PCDHGA1: variants seen among roughly 807,000 people sequenced by gnomAD.
PCDHGA1 encodes the protein protocadherin gamma-A1.
A neutral mutation model predicts 58.0 loss-of-function variants in PCDHGA1; 32 were observed. The observed-to-expected ratio is 0.55, with a 90% confidence interval of 0.42 to 0.74. PCDHGA1 has a LOEUF of 0.74. Among genes scored for constraint, PCDHGA1 ranks in the 30% least tolerant of loss-of-function variants. PCDHGA1 has a pLI of 0.00. For missense variants in PCDHGA1, 1,205 were observed against 1,182.3 expected, an observed-to-expected ratio of 1.02 and a Z score of -0.28; for synonymous variants, 498 against 501.1, an observed-to-expected ratio of 0.99 and a Z score of 0.08.
At position 141,491,832 on chromosome 5, in the gene PCDHGA1, C is replaced by T. The variant is rs755882255; in HGVS notation, c.2422-2975C>T. On this transcript the variant is annotated intron_variant, in intron 1 of 3. Coordinates refer to ENST00000517417, the MANE Select transcript of PCDHGA1 (RefSeq NM_018912.3). The surrounding 1 kb of genome is among the most constrained non-coding windows in gnomAD (Gnocchi z 6.9). ...GTCGCTGGCTGCGCTCCACCCGATT[C>T]TCGGGATCATTGGACCGTTTGCGCG... 1.6e-5 allele frequency: 24 copies of T among 1,474,306 alleles called. No individual in the cohort carries two copies. The highest frequency in any genetic ancestry group is 2.0e-5 in the Non-Finnish European group (22 of 1,112,688). 91.3% of individuals were successfully genotyped at this position (1,474,306 alleles called of 1,614,324 possible). A position where few individuals can be genotyped will look rare whatever the true frequency, so the allele number is the denominator to read the frequency against.
At chr5:141,435,214 A>T (rs1314928643) in intron 1 of PCDHGA1, among the ~76,000 whole-genome samples, 1 of 152,176 alleles carries the variant, frequency 6.6e-6, no homozygotes, top group Non-Finnish European at 1.5e-5. Context: ...AAGTGAATTT[A>T]CTTTCTTTCA....
In PCDHGA1 at chr5:141,405,166, A is replaced by G. The variant is rs1303146593; in HGVS notation, c.2421+72061A>G. The G allele has an allele frequency of 9.3e-6, 15 of 1,613,862 alleles. No individual in the cohort carries two copies. In the East Asian group the frequency reaches 3.3e-4, roughly 36 times the overall value. On this transcript the variant is annotated intron_variant, in intron 1 of 3. Coordinates refer to ENST00000517417, the MANE Select transcript of PCDHGA1 (RefSeq NM_018912.3). Reference sequence around the variant, plus strand: ...ATGGGTTGGCTGGTGTGCCCACCTCACACTTTGTGGGTGTAGATGGGGTTC... The same window carrying G: ...ATGGGTTGGCTGGTGTGCCCACCTCGCACTTTGTGGGTGTAGATGGGGTTC...
rs1284287216 is a variant in PCDHGA1 at position 141,398,423 on chromosome 5, A to C, written c.2421+65318A>C. On this transcript the variant is annotated intron_variant, in intron 1 of 3. Transcript: ENST00000517417. ...GACAGGGAGGAGATATGCGGGAAGA[A>C]GCCAGCTTGTGCTCTGGAATTTGAG... 2.0e-6 allele frequency: 3 copies of C among 1,514,696 alleles called. No individual in the cohort carries two copies. In the South Asian group the frequency reaches 3.4e-5, roughly 17 times the overall value. The allele number at this position is 1,514,696 out of a possible 1,614,324, so 93.8% of individuals were successfully genotyped here.
intron 1 of PCDHGA1, chr5:141,400,663 A>T: frequency 4.0e-6 from 4 of 995,312 alleles, no homozygotes; most frequent in Non-Finnish European, 6.0e-6. Flanking sequence ...ACCATTCTTT[A>T]AGAGGAGCAG....
chr5:141,476,952 T>A lies in PCDHGA1; in HGVS notation c.2422-17855T>A, dbSNP rs1463851594. On this transcript the variant is annotated intron_variant, in intron 1 of 3. Transcript: ENST00000517417. This position sits in a 1 kb window ranked among gnomAD's most constrained non-coding sequence, Gnocchi z 7.6. ...CTGGATGAAGGCCCCAACGGTGAAA[T>A]TATTTACTCCTTCGGCAGCCACAAC... 1 of 1,614,052 alleles carries A rather than the reference T, an allele frequency of 6.2e-7. No individual in the cohort carries two copies. Among genetic ancestry groups the A allele is most frequent in the Non-Finnish European group, 8.5e-7 (1 of 1,180,038 alleles).
chr5:141,426,317 C>A, intron 1 of PCDHGA1: 1 of 173,952 alleles, frequency 5.7e-6, no homozygotes, highest in African/African-American at 2.4e-5. Flanking sequence ...AGAAGCAGGA[C>A]CCGGCAGTGG....
chr5:141,364,254 G>A, intron 1 of PCDHGA1: 1 of 1,492,278 alleles, frequency 6.7e-7, no homozygotes, highest in Non-Finnish European at 8.9e-7. Flanking sequence ...CAGGGAATAT[G>A]TACCCATCGG....
chr5:141,480,827 A>G (rs1455065731), intron 1 of PCDHGA1, among the ~76,000 whole-genome samples: 2 of 152,212 alleles, frequency 1.3e-5, no homozygotes, highest in Admixed American at 6.5e-5. Context: ...TGGGTGGATC[A>G]TAAGATCAGG....
intron 1 of PCDHGA1, among the ~76,000 whole-genome samples, chr5:141,363,627 C>T (rs1763008344): frequency 6.6e-6 from 1 of 152,226 alleles, no homozygotes; most frequent in Non-Finnish European, 1.5e-5. Flanking sequence ...GAGACTTTCT[C>T]AAAGTCCTCA....
chr5:141,345,854 C>T (rs529957472), intron 1 of PCDHGA1: 18 of 1,613,390 alleles, frequency 1.1e-5, no homozygotes, highest in Middle Eastern at 1.7e-4. Context: ...TGTCCTACCG[C>T]CTGCTCAAGG....
At chr5:141,417,787 T>C in intron 1 of PCDHGA1, 1 of 1,477,124 alleles carries the variant, frequency 6.8e-7, no homozygotes, top group Non-Finnish European at 9.0e-7. Flanking sequence ...CTGGGCCGAA[T>C]GCTCTTTTAG....
intron 1 of PCDHGA1, chr5:141,342,323 C>T (rs1229501493): frequency 6.6e-6 from 1 of 152,162 alleles, no homozygotes; most frequent in Non-Finnish European, 1.5e-5. Flanking sequence ...AATCCCAGTG[C>T]CCCTCTGATC....
At chr5:141,347,167 CTT>C (rs1278659701) in intron 1 of PCDHGA1, among the ~76,000 whole-genome samples, 3 of 143,014 alleles carry the variant, frequency 2.1e-5, no homozygotes, top group African/African-American at 7.8e-5. Context: ...TTCTTTCTTT[CTT>C]TCTTTCTTTC....
chr5:141,413,286 C>G, intron 1 of PCDHGA1: 1 of 1,613,968 alleles, frequency 6.2e-7, no homozygotes, highest in Non-Finnish European at 8.5e-7. Flanking sequence ...AGATCTCCTA[C>G]TCAATTCCTG....
At chr5:141,352,235 A>T in intron 1 of PCDHGA1, 1 of 1,614,032 alleles carries the variant, frequency 6.2e-7, no homozygotes, top group Non-Finnish European at 8.5e-7. Flanking sequence ...GCTGCACCTA[A>T]TCTTCGCGGA....
intron 1 of PCDHGA1, among the ~76,000 whole-genome samples, chr5:141,381,944 C>G (rs1777787484): frequency 6.7e-6 from 1 of 149,738 alleles, no homozygotes; most frequent in African/African-American, 2.5e-5. Context: ...ATTTTCCTGC[C>G]TCAGCCTCCT....
At chr5:141,443,131 A>C (rs1042010214) in intron 1 of PCDHGA1, among the ~76,000 whole-genome samples, 2 of 152,144 alleles carry the variant, frequency 1.3e-5, no homozygotes, top group African/African-American at 4.8e-5. Flanking sequence ...GATTAAGAAC[A>C]CTATCATAAG....
intron 1 of PCDHGA1, chr5:141,365,269 A>T: frequency 6.2e-7 from 1 of 1,614,008 alleles, no homozygotes; most frequent in Non-Finnish European, 8.5e-7. Flanking sequence ...AAGAATCCAG[A>T]TTCTACCTCA....
chr5:141,372,912 T>G, intron 1 of PCDHGA1: 1 of 1,057,916 alleles, frequency 9.5e-7, no homozygotes. Context: ...ATTACATTAT[T>G]TTATTGATTT....
Sources: gnomAD v4.1 joint callset for allele counts (sites outside exome capture counted in the v4.1 genomes callset) on GRCh38, gnomAD v4.1.1 for gene constraint, Gnocchi (gnomAD v3.1) non-coding constraint, MANE v1.5 for transcripts, NCBI Gene and HGNC (gene_info 2026-07-23, HGNC 2026-07-21) for gene names.